Variants in CSMD1 observed in about 807,000 individuals in gnomAD.
The protein encoded by CSMD1 is CUB and Sushi multiple domains 1.
CSMD1 carries 213 observed loss-of-function variants against 417.5 expected under a neutral mutation model. The ratio of observed to expected loss-of-function variants is 0.51; its 90% CI spans 0.46 to 0.57. CSMD1 has a LOEUF of 0.57. CSMD1 is among the 20% of genes least tolerant of loss of function. CSMD1 has a pLI of 0.00. For missense variants in CSMD1, 6,923 were observed against 4,529.7 expected, an observed-to-expected ratio of 1.53 and a Z score of -15.17; for synonymous variants, 2,862 against 1,736.8, an observed-to-expected ratio of 1.65 and a Z score of -16.11.
intron 5 of CSMD1, among the ~76,000 whole-genome samples, chr8:3,832,303 G>A (rs143620707): frequency 8.5e-5 from 13 of 152,214 alleles, no homozygotes; most frequent in South Asian, 4.1e-4. Context: ...AATCTTTACC[G>A]TTAAAACGCA....
intron 4 of CSMD1, among the ~76,000 whole-genome samples, chr8:4,019,564 A>G (rs1045639319): frequency 1.3e-5 from 2 of 152,148 alleles, no homozygotes; most frequent in Admixed American, 6.6e-5. Context: ...GAGCTGTCGT[A>G]TCTGTGTTTT....
intron 1 of CSMD1, among the ~76,000 whole-genome samples, chr8:4,940,472 A>T (rs1482615377): frequency 3.3e-5 from 5 of 152,224 alleles, no homozygotes; most frequent in African/African-American, 4.8e-5. Flanking sequence ...TGGGAAGGGC[A>T]TGGTCTGTGT....
intron 5 of CSMD1, among the ~76,000 whole-genome samples, chr8:3,966,006 G>C (rs950442171): frequency 1.3e-5 from 2 of 152,172 alleles, no homozygotes; most frequent in African/African-American, 2.4e-5. Flanking sequence ...ATGAAGCATA[G>C]ATTCAATTTT....
intron 3 of CSMD1, among the ~76,000 whole-genome samples, chr8:4,330,620 A>G (rs1799815148): frequency 6.6e-6 from 1 of 151,750 alleles, no homozygotes; most frequent in South Asian, 2.1e-4. Context: ...GTAATAGCTC[A>G]TAAATCTAAT....
At chr8:3,343,550 A>T in intron 22 of CSMD1, 100 bp from the exon 23 acceptor site, 2 of 1,023,962 alleles carry the variant, frequency 2.0e-6, no homozygotes, top group South Asian at 3.4e-5. Flanking sequence ...GCAGTTTTAA[A>T]CAATACTTAA....
rs529291833 is a variant in CSMD1 at position 4,343,019 on chromosome 8, G to A, written c.415+76934C>T. On this transcript the variant is annotated intron_variant, in intron 3 of 69. Transcript: ENST00000635120. ...GTAGATTGCAGTGCACCTGACTTGT[G>A]CCTCCTCCAACCCTCATATTCAACA... Among the ~76,000 whole-genome samples the A allele has an allele frequency of 4.6e-5, 7 of 152,202 alleles. No homozygotes were observed. The East Asian group carries it at 1.2e-3, about 25-fold the overall frequency.
At chr8:4,694,319 G>T (rs1039952131) in intron 1 of CSMD1, among the ~76,000 whole-genome samples, 1 of 151,924 alleles carries the variant, frequency 6.6e-6, no homozygotes, top group Non-Finnish European at 1.5e-5. Flanking sequence ...TGCCTTTCTG[G>T]ACCAAACCAA....
intron 5 of CSMD1, among the ~76,000 whole-genome samples, chr8:3,762,921 C>T (rs576556746): frequency 7.9e-5 from 12 of 152,134 alleles, no homozygotes; most frequent in African/African-American, 2.9e-4. Flanking sequence ...TTTCACCTGC[C>T]TACGCCCCAC....
intron 5 of CSMD1, among the ~76,000 whole-genome samples, chr8:3,844,996 T>C (rs998807776): frequency 6.6e-6 from 1 of 152,180 alleles, no homozygotes; most frequent in Admixed American, 6.5e-5. Flanking sequence ...TGCACAAACT[T>C]TAAAAGTTAA....
chr8:2,947,765 C>T (rs187357904), intron 68 of CSMD1, among the ~76,000 whole-genome samples: 2 of 152,252 alleles, frequency 1.3e-5, no homozygotes, highest in Admixed American at 1.3e-4. Context: ...AAACATCACC[C>T]ATCATTAGTG....
intron 1 of CSMD1, among the ~76,000 whole-genome samples, chr8:4,920,901 GAAAAGAAAAGAAAAGA>G (rs1563768856): frequency 7.5e-4 from 23 of 30,728 alleles, no homozygotes; most frequent in African/African-American, 2.4e-3. Flanking sequence ...GAAAAGAAAA[GAAAAGAAAAGAAAAGA>G]AAAGAAAAGA....
intron 48 of CSMD1, 118 bp downstream of exon 48, chr8:3,091,398 A>T (rs1324913021): frequency 4.4e-6 from 3 of 675,272 alleles, no homozygotes; most frequent in Non-Finnish European, 4.5e-6. Context: ...TACTGTAGTT[A>T]ATTATTAATC....
intron 1 of CSMD1, among the ~76,000 whole-genome samples, chr8:4,815,757 T>C (rs1476792481): frequency 6.6e-6 from 1 of 150,920 alleles, no homozygotes; most frequent in Non-Finnish European, 1.5e-5. Flanking sequence ...TAAAAGGAGT[T>C]TATATAATAA....
intron 1 of CSMD1, among the ~76,000 whole-genome samples, chr8:4,738,377 A>G (rs1398935892): frequency 3.9e-5 from 6 of 152,218 alleles, no homozygotes; most frequent in Admixed American, 2.0e-4. Context: ...GCAAAAGGGC[A>G]GCAAACATGT....
chr8:4,864,345 G>A (rs1323383318), intron 1 of CSMD1, among the ~76,000 whole-genome samples: 7 of 151,604 alleles, frequency 4.6e-5, no homozygotes, highest in Non-Finnish European at 7.4e-5. Flanking sequence ...TAATTAGAAT[G>A]AAAACAAAAA....
intron 46 of CSMD1, among the ~76,000 whole-genome samples, chr8:3,105,404 A>C (rs565946042): frequency 6.6e-6 from 1 of 152,342 alleles, no homozygotes; most frequent in African/African-American, 2.4e-5. Context: ...GAAGTCATAA[A>C]AACTATTCTA....
chr8:3,469,734 T>G (rs1350049027), intron 11 of CSMD1, among the ~76,000 whole-genome samples: 1 of 152,148 alleles, frequency 6.6e-6, no homozygotes, highest in African/African-American at 2.4e-5. Flanking sequence ...CAACCCTACA[T>G]CCTCACCTTA....
intron 18 of CSMD1, among the ~76,000 whole-genome samples, chr8:3,385,109 A>T (rs1259336077): frequency 3.3e-5 from 3 of 90,924 alleles, no homozygotes; most frequent in East Asian, 2.5e-4. Flanking sequence ...TATATAAATA[A>T]AAATATATAT....
intron 7 of CSMD1, among the ~76,000 whole-genome samples, chr8:3,693,135 C>T (rs563381098): frequency 1.2e-4 from 18 of 152,118 alleles, no homozygotes; most frequent in Admixed American, 6.5e-5. Flanking sequence ...AATAGATAGT[C>T]ACCCACACTG....
Sources: allele counts gnomAD v4.1 joint callset (sites outside exome capture counted in the v4.1 genomes callset), GRCh38; gene constraint gnomAD v4.1.1; transcripts MANE v1.5; gene names NCBI Gene and HGNC (gene_info 2026-07-23, HGNC 2026-07-21).